The following NELL1 variants were observed in gnomAD, a reference collection of about 807,000 sequenced individuals.
NELL1 encodes neural EGFL like 1.
A neutral mutation model predicts 107.4 loss-of-function variants in NELL1; 76 were observed. That is an observed-to-expected ratio of 0.71 (90% CI 0.59 to 0.86). The LOEUF is 0.86. Ranked by LOEUF, NELL1 falls within the 40% of genes least tolerant of loss-of-function variation. NELL1 has a pLI of 0.00. For missense variants in NELL1, 1,024 were observed against 1,005.5 expected, an observed-to-expected ratio of 1.02 and a Z score of -0.25; for synonymous variants, 353 against 341.2, an observed-to-expected ratio of 1.03 and a Z score of -0.38.
At chr11:21,502,966 TC>T (rs1324775639) in intron 15 of NELL1, among the ~76,000 whole-genome samples, 1 of 152,196 alleles carries the variant, frequency 6.6e-6, no homozygotes, top group Non-Finnish European at 1.5e-5. Context: ...CACCACAACT[TC>T]CGCCTCCCGG....
chr11:20,693,361 G>C (rs1242952051), intron 2 of NELL1, among the ~76,000 whole-genome samples: 2 of 151,918 alleles, frequency 1.3e-5, no homozygotes, highest in Middle Eastern at 3.2e-3. Context: ...CTTGTTAGTT[G>C]ATGCAGTTTC....
chr11:20,853,042 A>G (rs1279257746), intron 4 of NELL1, among the ~76,000 whole-genome samples: 2 of 152,202 alleles, frequency 1.3e-5, no homozygotes, highest in South Asian at 2.1e-4. Flanking sequence ...GTGAAAATGC[A>G]TGACAATCTC....
At chr11:20,741,681 A>G (rs1435169747) in intron 2 of NELL1, among the ~76,000 whole-genome samples, 1 of 152,184 alleles carries the variant, frequency 6.6e-6, no homozygotes, top group African/African-American at 2.4e-5. Flanking sequence ...GAAAATGTAG[A>G]TGAGTCACCC....
chr11:20,789,559 A>G (rs527290394), intron 3 of NELL1, among the ~76,000 whole-genome samples: 9 of 152,272 alleles, frequency 5.9e-5, no homozygotes, highest in Admixed American at 3.3e-4. Flanking sequence ...TTTGCCCCCA[A>G]TGTGGCAAGC....
chr11:20,930,281 C>CT (rs1850591558), intron 9 of NELL1, among the ~76,000 whole-genome samples: 4 of 151,986 alleles, frequency 2.6e-5, no homozygotes, highest in South Asian at 2.1e-4. Flanking sequence ...TGGATGTGTC[C>CT]TTTTTTTAAG....
chr11:21,501,697 C>T (rs1420575425), intron 15 of NELL1, among the ~76,000 whole-genome samples: 1 of 152,180 alleles, frequency 6.6e-6, no homozygotes, highest in Non-Finnish European at 1.5e-5. Context: ...TATTACTTTG[C>T]AGCTGATAAT....
chr11:21,026,503 T>A (rs894789947), intron 12 of NELL1, among the ~76,000 whole-genome samples: 3 of 152,154 alleles, frequency 2.0e-5, no homozygotes, highest in Non-Finnish European at 2.9e-5. Flanking sequence ...CCCTTCTCTC[T>A]TATATAGTCT....
chr11:20,949,705 A>T (rs962651518), intron 11 of NELL1, among the ~76,000 whole-genome samples: 2 of 152,324 alleles, frequency 1.3e-5, no homozygotes, highest in East Asian at 1.9e-4. Flanking sequence ...ACCAATGAAG[A>T]TGCTGAGAGA....
At chr11:21,402,310 A>G (rs1324246288) in intron 15 of NELL1, among the ~76,000 whole-genome samples, 1 of 151,832 alleles carries the variant, frequency 6.6e-6, no homozygotes, top group Non-Finnish European at 1.5e-5. Context: ...CTTGGGAAAG[A>G]AAGTAACCTG....
intron 13 of NELL1, among the ~76,000 whole-genome samples, chr11:21,209,661 G>A (rs1857459971): frequency 6.6e-6 from 1 of 151,992 alleles, no homozygotes; most frequent in African/African-American, 2.4e-5. Context: ...TATCTTAAGT[G>A]TATTTTCAGA....
chr11:21,173,901 T>G (rs1856659099), intron 13 of NELL1, among the ~76,000 whole-genome samples: 1 of 151,732 alleles, frequency 6.6e-6, no homozygotes, highest in African/African-American at 2.4e-5. Context: ...ATACCTAATC[T>G]CTGTCCTAAA....
intron 12 of NELL1, among the ~76,000 whole-genome samples, chr11:21,026,974 C>T (rs1852828897): frequency 6.6e-6 from 1 of 152,044 alleles, no homozygotes; most frequent in Non-Finnish European, 1.5e-5. Context: ...TTGGGCTTTT[C>T]CTTCCTGTGG....
At chr11:20,714,150 G>A (rs1590227393) in intron 2 of NELL1, among the ~76,000 whole-genome samples, 2 of 149,050 alleles carry the variant, frequency 1.3e-5, no homozygotes, top group East Asian at 3.9e-4. Context: ...TCTGTCATTC[G>A]AAGTGGGAGC....
chr11:21,275,801 A>G (rs1848843548), intron 14 of NELL1, among the ~76,000 whole-genome samples: 1 of 152,206 alleles, frequency 6.6e-6, no homozygotes, highest in Admixed American at 6.5e-5. Context: ...GACAAAAACC[A>G]TATGATTATC....
chr11:21,159,208 T>C (rs1414613845), intron 13 of NELL1, among the ~76,000 whole-genome samples: 6 of 152,160 alleles, frequency 3.9e-5, no homozygotes, highest in Non-Finnish European at 8.8e-5. Flanking sequence ...GATCTTAGAC[T>C]TGGACCTAGG....
chr11:21,015,328 C>T (rs1223648049), intron 12 of NELL1, among the ~76,000 whole-genome samples: 54 of 152,084 alleles, frequency 3.6e-4, no homozygotes, highest in Non-Finnish European at 2.9e-5. Context: ...GATTCGTCCT[C>T]GCCGTTGAAA....
At chr11:21,456,650 T>C (rs1361840741) in intron 15 of NELL1, among the ~76,000 whole-genome samples, 1 of 152,172 alleles carries the variant, frequency 6.6e-6, no homozygotes, top group Non-Finnish European at 1.5e-5. Context: ...AAATATTTAT[T>C]GAGAATCTAT....
chr11:21,337,439 C>A (rs1213909427), intron 14 of NELL1, among the ~76,000 whole-genome samples: 1 of 152,152 alleles, frequency 6.6e-6, no homozygotes, highest in Non-Finnish European at 1.5e-5. Context: ...GGATCTTGCT[C>A]TTCCATTTTA....
At chr11:20,823,091 G>C (rs1857795937) in intron 3 of NELL1, among the ~76,000 whole-genome samples, 1 of 141,312 alleles carries the variant, frequency 7.1e-6, no homozygotes, top group Non-Finnish European at 1.6e-5. Flanking sequence ...CTGTTTTCCA[G>C]CTGCTGATAA....
Sources: gnomAD v4.1 joint callset for allele counts (sites outside exome capture counted in the v4.1 genomes callset) on GRCh38, gnomAD v4.1.1 for gene constraint, MANE v1.5 for transcripts, NCBI Gene and HGNC (gene_info 2026-07-23, HGNC 2026-07-21) for gene names.